The following CDH13 variants were observed in gnomAD, a reference collection of about 807,000 sequenced individuals.
CDH13 encodes the protein cadherin 13, also known as cadherin-13.
In CDH13, 24 loss-of-function variants were observed where a neutral mutation model predicts 63.8. The ratio of observed to expected loss-of-function variants is 0.38; its 90% CI spans 0.27 to 0.53. The LOEUF is 0.53. CDH13 is among the 20% of genes least tolerant of loss of function. CDH13 has a pLI of 0.85. For synonymous variants in CDH13, 503 were observed against 355.3 expected (o/e 1.42, Z -4.67); for missense variants, 1,049 against 903.1 (o/e 1.16, Z -2.07).
At chr16:82,979,590 A>T (rs997981744) in intron 2 of CDH13, among the ~76,000 whole-genome samples, 20 of 152,092 alleles carry the variant, frequency 1.3e-4, no homozygotes, top group Admixed American at 1.2e-3. Context: ...CATGTGAAAA[A>T]GGATGTGTTT....
At chr16:83,663,721 T>C (rs1913663889) in intron 8 of CDH13, among the ~76,000 whole-genome samples, 1 of 152,186 alleles carries the variant, frequency 6.6e-6, no homozygotes, top group Admixed American at 6.5e-5. Flanking sequence ...TTCTTTCTGT[T>C]CATGGTTACT....
At chr16:82,633,216 C>G (rs184377095) in intron 1 of CDH13, among the ~76,000 whole-genome samples, 1 of 152,326 alleles carries the variant, frequency 6.6e-6, no homozygotes, top group Admixed American at 6.5e-5. Flanking sequence ...AGAACAGTGA[C>G]AGCTGAGCAT....
chr16:83,605,052 T>C (rs940625426), intron 8 of CDH13, among the ~76,000 whole-genome samples: 3 of 152,240 alleles, frequency 2.0e-5, no homozygotes, highest in South Asian at 2.1e-4. Context: ...TACAATGTTA[T>C]CTGTCAATCT....
chr16:82,780,394 G>A (rs1175704335), intron 1 of CDH13, among the ~76,000 whole-genome samples: 3 of 152,154 alleles, frequency 2.0e-5, no homozygotes, highest in Non-Finnish European at 4.4e-5. Flanking sequence ...CGGGACCAGA[G>A]GATGTAAATA....
intron 2 of CDH13, among the ~76,000 whole-genome samples, chr16:83,003,452 C>T (rs928358214): frequency 4.6e-5 from 7 of 151,634 alleles, no homozygotes; most frequent in South Asian, 2.1e-4. Flanking sequence ...ATGGAAAATG[C>T]TGTATAGGGA....
intron 2 of CDH13, among the ~76,000 whole-genome samples, chr16:83,016,979 C>T (rs1003994409): frequency 5.3e-5 from 8 of 152,090 alleles, no homozygotes; most frequent in African/African-American, 1.4e-4. Flanking sequence ...GTGATGACTT[C>T]GTAGTGGAAT....
At chr16:83,677,341 G>C (rs1915042247) in intron 9 of CDH13, among the ~76,000 whole-genome samples, 1 of 152,204 alleles carries the variant, frequency 6.6e-6, no homozygotes, top group Admixed American at 6.5e-5. Flanking sequence ...AAATCACCTA[G>C]AGTGGTCCTC....
chr16:83,407,721 C>T (rs1469729630), intron 6 of CDH13, among the ~76,000 whole-genome samples: 1 of 152,018 alleles, frequency 6.6e-6, no homozygotes, highest in Non-Finnish European at 1.5e-5. Context: ...ATTTTGGAAA[C>T]CTTCCCTCCT....
At chr16:83,019,677 G>A (rs1387540930) in intron 2 of CDH13, among the ~76,000 whole-genome samples, 2 of 151,084 alleles carry the variant, frequency 1.3e-5, no homozygotes, top group African/African-American at 2.4e-5. Flanking sequence ...TGCATGTTTT[G>A]TAGATATGGA....
chr16:83,336,677 A>G (rs1459583349), intron 5 of CDH13, among the ~76,000 whole-genome samples: 1 of 152,138 alleles, frequency 6.6e-6, no homozygotes, highest in East Asian at 1.9e-4. Flanking sequence ...GTTTTGCTTT[A>G]TTTGCATATT....
At chr16:83,121,951 C>G (rs950197169) in intron 3 of CDH13, among the ~76,000 whole-genome samples, 1 of 137,570 alleles carries the variant, frequency 7.3e-6, no homozygotes, top group Non-Finnish European at 1.5e-5. Flanking sequence ...ATAAATTTTC[C>G]TTTAAAACTG....
chr16:82,683,564 G>A (rs1023185061), intron 1 of CDH13, among the ~76,000 whole-genome samples: 3 of 152,202 alleles, frequency 2.0e-5, no homozygotes, highest in Admixed American at 2.0e-4. Context: ...CACAAATATA[G>A]TTGGACCAGA....
At chr16:82,895,807 A>T (rs888709840) in intron 2 of CDH13, among the ~76,000 whole-genome samples, 6 of 152,028 alleles carry the variant, frequency 3.9e-5, no homozygotes, top group Non-Finnish European at 8.8e-5. Context: ...GAGCTTGAAC[A>T]CGTCCACAGA....
chr16:83,041,741 C>G (rs949784303), intron 3 of CDH13, among the ~76,000 whole-genome samples: 3 of 152,188 alleles, frequency 2.0e-5, no homozygotes, highest in African/African-American at 4.8e-5. Flanking sequence ...ACACATTTTT[C>G]AGCCACATGA....
intron 1 of CDH13, among the ~76,000 whole-genome samples, chr16:82,849,764 C>T (rs1246350479): frequency 6.6e-6 from 1 of 152,184 alleles, no homozygotes; most frequent in Non-Finnish European, 1.5e-5. Context: ...GAAGCCAATG[C>T]TTATTCACCA....
chr16:82,849,224 C>T (rs2039384881), intron 1 of CDH13, among the ~76,000 whole-genome samples: 1 of 152,238 alleles, frequency 6.6e-6, no homozygotes, highest in African/African-American at 2.4e-5. Context: ...CAGGTGAAAG[C>T]CAAGCACAGT....
chr16:83,214,204 G>T (rs2039425969), intron 4 of CDH13, among the ~76,000 whole-genome samples: 1 of 152,088 alleles, frequency 6.6e-6, no homozygotes, highest in African/African-American at 2.4e-5. Context: ...GAAGAGGTGA[G>T]TGTGCTTGGT....
intron 7 of CDH13, among the ~76,000 whole-genome samples, chr16:83,578,339 C>G (rs528679983): frequency 6.6e-6 from 1 of 152,284 alleles, no homozygotes; most frequent in East Asian, 1.9e-4. Context: ...TTCCAGGGCA[C>G]AGACCGGGCG....
At chr16:82,936,670 G>C (rs959824584) in intron 2 of CDH13, among the ~76,000 whole-genome samples, 11 of 152,156 alleles carry the variant, frequency 7.2e-5, no homozygotes, top group African/African-American at 2.7e-4. Context: ...ACTTTAGATC[G>C]TAACGTTCAT....
Sources: gnomAD v4.1 joint callset for allele counts (sites outside exome capture counted in the v4.1 genomes callset) on GRCh38, gnomAD v4.1.1 for gene constraint, MANE v1.5 for transcripts, NCBI Gene and HGNC (gene_info 2026-07-23, HGNC 2026-07-21) for gene names.